Variants in KLF8 observed in about 807,000 individuals in gnomAD.
The protein encoded by KLF8 is KLF transcription factor 8.
Under a neutral mutation model 18.2 loss-of-function variants are expected in KLF8, and 10 were observed. The ratio of observed to expected loss-of-function variants is 0.55; its 90% CI spans 0.34 to 0.93. KLF8 has a LOEUF of 0.93. Ranked by LOEUF, KLF8 falls within the 40% of genes least tolerant of loss-of-function variation. KLF8 has a pLI of 0.02. For synonymous variants in KLF8, 109 were observed against 97.3 expected (o/e 1.12, Z -0.71); for missense variants, 264 against 277.9 (o/e 0.95, Z 0.36).
chrX:56,256,858 C>T (rs1389278109), intron 2 of KLF8, among the ~76,000 whole-genome samples: 1 of 111,113 alleles, frequency 9.0e-6, no homozygotes, highest in African/African-American at 3.3e-5. Flanking sequence ...CATGTGCCAC[C>T]ACACCTGGCT....
At chrX:56,206,750 G>T in the KLF8 span, among the ~76,000 whole-genome samples, 2 of 112,229 alleles carry the variant, frequency 1.8e-5, no homozygotes, top group Non-Finnish European at 3.8e-5. Context: ...TCTGGAGGAC[G>T]GTGGCCCTCT....
chrX:56,151,406 A>G, the KLF8 span, among the ~76,000 whole-genome samples: 5 of 111,870 alleles, frequency 4.5e-5, no homozygotes, highest in Non-Finnish European at 9.4e-5. Context: ...AGTATATTGG[A>G]TTAAAGTAGA....
the KLF8 span, among the ~76,000 whole-genome samples, chrX:55,958,679 G>A: frequency 8.9e-6 from 1 of 112,574 alleles, no homozygotes; most frequent in Non-Finnish European, 1.9e-5. Context: ...ATTACTGAAA[G>A]TAGTCTAGAA....
chrX:56,065,000 G>A, the KLF8 span, among the ~76,000 whole-genome samples: 4 of 111,285 alleles, frequency 3.6e-5, no homozygotes, highest in Non-Finnish European at 5.7e-5. Flanking sequence ...GCCTTTATGT[G>A]CATTTTTGGG....
chrX:56,097,787 AGAG>A, the KLF8 span, among the ~76,000 whole-genome samples: 11 of 105,052 alleles, frequency 1.0e-4, no homozygotes, highest in Admixed American at 3.2e-4. Context: ...ACTAGAAAAT[AGAG>A]GAGAATTTTG....
the KLF8 span, among the ~76,000 whole-genome samples, chrX:55,942,270 A>G: frequency 9.0e-6 from 1 of 110,856 alleles, no homozygotes; most frequent in African/African-American, 3.3e-5. Flanking sequence ...CGCAAGGACA[A>G]AAAACCAAAC....
chrX:56,077,844 T>A, the KLF8 span, among the ~76,000 whole-genome samples: 1 of 111,354 alleles, frequency 9.0e-6, no homozygotes, highest in East Asian at 2.8e-4. Flanking sequence ...GTTCTCCTTG[T>A]AGAGGTCCTT....
chrX:56,201,069 A>T, the KLF8 span, among the ~76,000 whole-genome samples: 1 of 112,067 alleles, frequency 8.9e-6, no homozygotes, highest in African/African-American at 3.2e-5. Context: ...CAAAAAATTA[A>T]AAATAAAACT....
the KLF8 span, among the ~76,000 whole-genome samples, chrX:56,099,216 T>G: frequency 8.9e-6 from 1 of 111,990 alleles, no homozygotes; most frequent in Admixed American, 9.5e-5. Flanking sequence ...TTTAAAATTA[T>G]TATTATATCT....
At chrX:56,128,972 A>C in the KLF8 span, among the ~76,000 whole-genome samples, 1 of 111,688 alleles carries the variant, frequency 9.0e-6, no homozygotes, top group Admixed American at 9.5e-5. Context: ...TCAGGGAGAG[A>C]GAGAGAAAAA....
At chrX:56,208,790 T>G in the KLF8 span, among the ~76,000 whole-genome samples, 2 of 112,058 alleles carry the variant, frequency 1.8e-5, no homozygotes, top group African/African-American at 6.5e-5. Flanking sequence ...TTTTCAATAA[T>G]TTCTACATTC....
At chrX:56,226,906 T>C in the KLF8 span, among the ~76,000 whole-genome samples, 1 of 112,214 alleles carries the variant, frequency 8.9e-6, no homozygotes, top group East Asian at 2.8e-4. Context: ...GGTATTGACT[T>C]GAGAGAAAAG....
chrX:55,943,843 A>G, the KLF8 span, among the ~76,000 whole-genome samples: 5 of 112,209 alleles, frequency 4.5e-5, no homozygotes, highest in Non-Finnish European at 9.4e-5. Context: ...CTCATTCCGA[A>G]TCTACCCTGC....
At chrX:56,029,183 G>A in the KLF8 span, among the ~76,000 whole-genome samples, 1 of 110,679 alleles carries the variant, frequency 9.0e-6, no homozygotes, top group African/African-American at 3.3e-5. Flanking sequence ...TGCTTAGCTA[G>A]TGCCGGTTTT....
chrX:56,014,817 G>GTTTTTTTTTTTTTTTTTTTTTTTTTT, the KLF8 span: 1 of 59,370 alleles, frequency 1.7e-5, no homozygotes, highest in African/African-American at 7.2e-5. Context: ...ACAAGATCAT[G>GTTTTTTTTTTTTTTTTTTTTTTTTTT]TTTTTTTTTT....
At chrX:55,963,043 A>G in the KLF8 span, among the ~76,000 whole-genome samples, 1 of 112,418 alleles carries the variant, frequency 8.9e-6, no homozygotes, top group African/African-American at 3.2e-5. Flanking sequence ...TTTCTGTCTT[A>G]TTTAAGAAAA....
chrX:56,191,423 A>C, the KLF8 span, among the ~76,000 whole-genome samples: 5 of 111,842 alleles, frequency 4.5e-5, no homozygotes, highest in African/African-American at 1.6e-4. Context: ...TATTTCAAAA[A>C]CTAGAAGATG....
the KLF8 span, among the ~76,000 whole-genome samples, chrX:56,185,538 T>C: frequency 5.6e-4 from 62 of 111,068 alleles, no homozygotes; most frequent in Middle Eastern, 4.6e-3. Flanking sequence ...ACAAAGATAC[T>C]CCTCGAGAAG....
At chrX:55,984,761 T>A in the KLF8 span, among the ~76,000 whole-genome samples, 1 of 111,429 alleles carries the variant, frequency 9.0e-6, no homozygotes, top group African/African-American at 3.3e-5. Context: ...AAGTGTTATT[T>A]TTTCTCCACG....
Sources: gnomAD v4.1 joint callset for allele counts (sites outside exome capture counted in the v4.1 genomes callset) on GRCh38, gnomAD v4.1.1 for gene constraint, MANE v1.5 for transcripts, NCBI Gene and HGNC (gene_info 2026-07-23, HGNC 2026-07-21) for gene names.